PCDHA1: variants seen among roughly 807,000 people sequenced by gnomAD.
PCDHA1 encodes protocadherin alpha 1.
PCDHA1 carries 42 observed loss-of-function variants against 61.3 expected under a neutral mutation model. The observed-to-expected ratio is 0.69, with a 90% CI of 0.54 to 0.89. PCDHA1 has a LOEUF of 0.89. Ranked by LOEUF, PCDHA1 falls within the 40% of genes least tolerant of loss-of-function variation. The pLI, the probability that PCDHA1 is intolerant of heterozygous loss-of-function variation, is 0.00. For missense variants in PCDHA1, 1,256 were observed against 1,235.3 expected, an observed-to-expected ratio of 1.02 and a Z score of -0.25; for synonymous variants, 610 against 553.8, an observed-to-expected ratio of 1.10 and a Z score of -1.43.
chr5:140,819,074 A>G (rs1766485214), intron 1 of PCDHA1, among the ~76,000 whole-genome samples: 1 of 152,220 alleles, frequency 6.6e-6, no homozygotes, highest in Non-Finnish European at 1.5e-5. Flanking sequence ...CTCATTATAC[A>G]GGCAGCGCTA....
chr5:140,841,710 C>G (rs2150321322), intron 1 of PCDHA1: 2 of 1,613,856 alleles, frequency 1.2e-6, no homozygotes, highest in African/African-American at 1.3e-5. Context: ...AATGACAACC[C>G]GCCAGTGTTC....
intron 1 of PCDHA1, among the ~76,000 whole-genome samples, chr5:140,957,228 T>C (rs1189952927): frequency 6.6e-6 from 1 of 152,148 alleles, no homozygotes; most frequent in Non-Finnish European, 1.5e-5. Flanking sequence ...TGGCGAAGCA[T>C]TTTGGCATGT....
chr5:140,942,132 TG>T (rs1554214846), intron 1 of PCDHA1, among the ~76,000 whole-genome samples: 1 of 152,250 alleles, frequency 6.6e-6, no homozygotes, highest in African/African-American at 2.4e-5. Flanking sequence ...GTGATATTTG[TG>T]GCTTTACTTG....
intron 1 of PCDHA1, among the ~76,000 whole-genome samples, chr5:140,925,394 C>T (rs782536310): frequency 1.3e-5 from 2 of 151,950 alleles, no homozygotes; most frequent in East Asian, 1.9e-4. Context: ...CCTTTTGGCT[C>T]GCCTCCTTCT....
chr5:140,886,401 A>G (rs2060965059), intron 1 of PCDHA1, among the ~76,000 whole-genome samples: 1 of 152,174 alleles, frequency 6.6e-6, no homozygotes, highest in African/African-American at 2.4e-5. Flanking sequence ...TGCATCACAA[A>G]TATGTTTTCC....
chr5:140,929,324 T>A (rs781810168), intron 1 of PCDHA1: 1 of 1,540,130 alleles, frequency 6.5e-7, no homozygotes, highest in African/African-American at 1.4e-5. Flanking sequence ...GTCAATGCCA[T>A]GGTAAGCAAA....
chr5:140,831,652 T>A (rs2150196590), intron 1 of PCDHA1, among the ~76,000 whole-genome samples: 1 of 151,500 alleles, frequency 6.6e-6, no homozygotes, highest in Non-Finnish European at 1.5e-5. Flanking sequence ...TGTGAGCCAC[T>A]ATGCTTGGCT....
At chr5:140,824,801 TG>T (rs1474083904) in intron 1 of PCDHA1, 15 of 151,892 alleles carry the variant, frequency 9.9e-5, no homozygotes, top group African/African-American at 3.1e-4. Flanking sequence ...TTTGCCTTTT[TG>T]TTTCTATTGA....
Position 140,786,201 on chromosome 5 carries a change from C to T in PCDHA1, c.-90C>T, listed in dbSNP as rs1554117300. Reference sequence around the variant, plus strand: ...GTCACCGCCTGAGAGAAGACAGAAACGGTAAAGAGATAAATGATTGGAAAT... The same window carrying T: ...GTCACCGCCTGAGAGAAGACAGAAATGGTAAAGAGATAAATGATTGGAAAT... On this transcript the variant is annotated 5_prime_UTR_variant, in exon 1 of 4. The change creates a new upstream start codon in the 5' untranslated region. Coordinates refer to ENST00000504120, the MANE Select transcript of PCDHA1 (RefSeq NM_018900.4). 1 of 1,472,974 alleles carries T rather than the reference C, an allele frequency of 6.8e-7. No homozygotes were observed. Among genetic ancestry groups the T allele is most frequent in the South Asian group, 1.4e-5 (1 of 72,260 alleles). 91.2% of individuals were successfully genotyped at this position (1,472,974 alleles called of 1,614,324 possible).
chr5:140,997,046 T>C (rs2097756944), intron 3 of PCDHA1, among the ~76,000 whole-genome samples: 1 of 152,176 alleles, frequency 6.6e-6, no homozygotes, highest in Admixed American at 6.5e-5. Flanking sequence ...AACTTTACTT[T>C]TTAGAGCAGT....
intron 1 of PCDHA1, chr5:140,863,089 A>C: frequency 3.5e-6 from 2 of 575,052 alleles, no homozygotes; most frequent in Non-Finnish European, 6.9e-6. Context: ...CGAGATCAGC[A>C]CGACGAGTAC....
chr5:140,980,085 T>C (rs1294414077), intron 2 of PCDHA1, among the ~76,000 whole-genome samples: 1 of 152,242 alleles, frequency 6.6e-6, no homozygotes, highest in Non-Finnish European at 1.5e-5. Context: ...AGATTAGTAG[T>C]TGGCTTGGTA....
At chr5:140,842,469 G>A in intron 1 of PCDHA1, 3 of 1,613,864 alleles carry the variant, frequency 1.9e-6, no homozygotes, top group Non-Finnish European at 2.5e-6. Context: ...GGTGCCAACG[G>A]GCAGGTGACC....
chr5:140,805,015 G>T (rs1554123180), intron 1 of PCDHA1: 1 of 1,560,672 alleles, frequency 6.4e-7, no homozygotes, highest in African/African-American at 1.3e-5. Context: ...TCTGTTATCA[G>T]CTTCTTGAAT....
Position 140,847,480 on chromosome 5 carries a change from A to T in PCDHA1, c.2394+58796A>T, listed in dbSNP as rs956174108. Reference sequence around the variant, plus strand: ...ATTAATCGACTTGGACGTTGGAATAAGATAGTAAAACTCACAACAAAACTT... The same window carrying T: ...ATTAATCGACTTGGACGTTGGAATATGATAGTAAAACTCACAACAAAACTT... On this transcript the variant is annotated intron_variant, in intron 1 of 3. Transcript: ENST00000504120. 2 of 149,954 alleles carry T rather than the reference A, an allele frequency of 1.3e-5. 1 individual carries two copies. The highest frequency in any genetic ancestry group is 3.0e-5 in the Non-Finnish European group (2 of 67,004). The allele number at this position is 149,954 out of a possible 1,614,324, so 9.3% of individuals were successfully genotyped here.
At chr5:140,883,397 C>T in intron 1 of PCDHA1, 2 of 1,614,170 alleles carry the variant, frequency 1.2e-6, no homozygotes, top group Non-Finnish European at 1.7e-6. Flanking sequence ...TGTGTCCGAT[C>T]GTGACTCTGG....
intron 1 of PCDHA1, chr5:140,927,862 G>A (rs1397918624): frequency 2.5e-6 from 4 of 1,614,082 alleles, no homozygotes; most frequent in African/African-American, 2.7e-5. Context: ...AGCTAGCACC[G>A]CTAAACTGCT....
Position 140,978,953 on chromosome 5 carries a change from G to T in PCDHA1, c.2399G>T (p.Arg800Leu), listed in dbSNP as rs781913955. The T allele has an allele frequency of 6.2e-7, 1 of 1,614,048 alleles. No individual in the cohort carries two copies. Among genetic ancestry groups the T allele is most frequent in the Admixed American group, 1.7e-5 (1 of 59,996 alleles). The change falls in exon 2 of 4, where the codon CGA becomes CTA. Residue 800 changes from arginine to leucine, a missense_variant. Physicochemically the swap from Arg to Leu is moderately radical, Grantham distance 102 (BLOSUM62 -2). Coordinates refer to ENST00000504120, the MANE Select transcript of PCDHA1 (RefSeq NM_018900.4). ...ACTCTCTTTGTGATTTTGCAGCCAC[G>T]ACAGCCCAACCCTGACTGGCGTTAC... ...EANLDLSGNP[R>L]QPNPDWRYSA... is the part of the protein sequence containing the mutation.
chr5:140,877,515 G>A (rs371100299), intron 1 of PCDHA1: 177 of 1,613,796 alleles, frequency 1.1e-4, no homozygotes, highest in Admixed American at 4.8e-4. Context: ...CGTCGTCGCG[G>A]GCCTCAGTGG....
Sources: gnomAD v4.1 joint callset for allele counts (sites outside exome capture counted in the v4.1 genomes callset) on GRCh38, gnomAD v4.1.1 for gene constraint, MANE v1.5 for transcripts, NCBI Gene and HGNC (gene_info 2026-07-23, HGNC 2026-07-21) for gene names.